Variants in RMDN2 observed in about 807,000 individuals in gnomAD.
The protein encoded by RMDN2 is regulator of microtubule dynamics 2.
In RMDN2, 61 loss-of-function variants were observed where a neutral mutation model predicts 52.8. The ratio of observed to expected loss-of-function variants is 1.16; its 90% confidence interval spans 0.94 to 1.43. The LOEUF is 1.43. RMDN2 is among the 40% of genes most tolerant of loss of function. The pLI is 0.00. For missense variants in RMDN2, 592 were observed against 475.3 expected, an observed-to-expected ratio of 1.25 and a Z score of -2.28; for synonymous variants, 180 against 153.1, an observed-to-expected ratio of 1.18 and a Z score of -1.30.
chr2:37,945,419 G>C, intron 2 of RMDN2, among the ~76,000 whole-genome samples: 1 of 152,076 alleles, frequency 6.6e-6, no homozygotes, highest in East Asian at 1.9e-4. Context: ...TTTGTCTTCG[G>C]AAGTCTCATC....
Position 38,004,216 on chromosome 2 carries a change from G to C in RMDN2, c.1179G>C (p.Glu393Asp), listed in dbSNP as rs1305199640. Residue 393 changes from glutamate (E) to aspartate (D), a missense_variant and splice_region_variant, in exon 10 of 11, where the codon GAG (glutamate) becomes GAC (aspartate). Transcript: ENST00000354545. ...TATTGCTTCCTACTGTTACCAAAGA[G>C]GTAAGTCCAGAAAGTGACAGTGAGT... Reference protein sequence around the residue: ...LALLLPTVTKEDKEAQKEMQK... With the variant: ...LALLLPTVTKDDKEAQKEMQK... The C allele has an allele frequency of 5.0e-6, 8 of 1,610,992 alleles. No individual in the cohort carries two copies. In the East Asian group the frequency reaches 6.7e-5, roughly 13 times the overall value.
At chr2:38,059,129 T>G (rs553240026) in intron 10 of RMDN2, among the ~76,000 whole-genome samples, 1 of 152,330 alleles carries the variant, frequency 6.6e-6, no homozygotes, top group African/African-American at 2.4e-5. Flanking sequence ...TCTGTGCCTC[T>G]CACAACAGTA....
chr2:38,009,469 A>G (rs13416401), intron 10 of RMDN2, among the ~76,000 whole-genome samples: 64,113 of 151,920 alleles, frequency 0.42, 15,203 homozygotes, highest in East Asian at 0.78. Flanking sequence ...TTGATTTTCC[A>G]TCACTGATAC....
intron 10 of RMDN2, among the ~76,000 whole-genome samples, chr2:38,008,271 C>A (rs1362363331): frequency 1.3e-5 from 2 of 152,146 alleles, no homozygotes; most frequent in Non-Finnish European, 2.9e-5. Context: ...TGTTAACTTT[C>A]TGTCTCGTTG....
chr2:38,042,179 TTG>T (rs1680994281), intron 10 of RMDN2, among the ~76,000 whole-genome samples: 1 of 152,192 alleles, frequency 6.6e-6, no homozygotes, highest in Non-Finnish European at 1.5e-5. Context: ...TTTTGATAGT[TTG>T]TGTTTTTCAA....
intron 2 of RMDN2, chr2:37,952,009 T>G (rs150937772): frequency 1.2e-6 from 2 of 1,612,726 alleles, no homozygotes; most frequent in African/African-American, 2.7e-5. Flanking sequence ...CCAATCATGA[T>G]TCCACAGCAT....
intron 2 of RMDN2, among the ~76,000 whole-genome samples, chr2:37,973,568 A>G (rs1041617699): frequency 2.0e-5 from 3 of 152,230 alleles, no homozygotes; most frequent in African/African-American, 7.2e-5. Flanking sequence ...CTATGGGAAA[A>G]GAAAAAAGCA....
intron 7 of RMDN2, 82 bp from the exon 8 acceptor site, chr2:37,997,331 TAAC>T: frequency 1.2e-6 from 1 of 830,728 alleles, no homozygotes. Flanking sequence ...TATATACACA[TAAC>T]ACACACACGT....
At chr2:37,972,654 A>G (rs1671957822) in intron 2 of RMDN2, among the ~76,000 whole-genome samples, 1 of 152,202 alleles carries the variant, frequency 6.6e-6, no homozygotes, top group African/African-American at 2.4e-5. Context: ...ACTAAAGCAA[A>G]GAGGTGTGAT....
chr2:37,967,413 C>G (rs1275714010), intron 2 of RMDN2, among the ~76,000 whole-genome samples: 1 of 152,114 alleles, frequency 6.6e-6, no homozygotes, highest in Non-Finnish European at 1.5e-5. Flanking sequence ...ATGGCCTTAC[C>G]AGTCCAATCC....
At chr2:38,066,576 A>G (rs1299034055) in intron 10 of RMDN2, among the ~76,000 whole-genome samples, 3 of 152,218 alleles carry the variant, frequency 2.0e-5, no homozygotes, top group Non-Finnish European at 2.9e-5. Flanking sequence ...CTGGTGCAGA[A>G]AAACAGACTG....
At chr2:38,046,398 A>T (rs1183656481) in intron 10 of RMDN2, among the ~76,000 whole-genome samples, 2 of 152,224 alleles carry the variant, frequency 1.3e-5, no homozygotes. Flanking sequence ...AATATTTTTT[A>T]AAAACTGAGT....
At chr2:37,941,815 C>G (rs1667813193) in intron 2 of RMDN2, among the ~76,000 whole-genome samples, 1 of 152,030 alleles carries the variant, frequency 6.6e-6, no homozygotes, top group African/African-American at 2.4e-5. Context: ...GCCAGTGGAT[C>G]TTAGTTTGCT....
intron 2 of RMDN2, among the ~76,000 whole-genome samples, chr2:37,945,397 A>C (rs1039666134): frequency 4.6e-5 from 7 of 152,172 alleles, no homozygotes; most frequent in Non-Finnish European, 1.0e-4. Flanking sequence ...CATGGATTCC[A>C]ATTTGGACAC....
intron 10 of RMDN2, among the ~76,000 whole-genome samples, chr2:38,065,843 A>G (rs889506487): frequency 4.6e-5 from 7 of 152,210 alleles, no homozygotes; most frequent in Non-Finnish European, 1.0e-4. Context: ...GGTTTTGCCT[A>G]AAGAACAGTT....
At chr2:37,982,224 CA>C (rs1443402212) in intron 5 of RMDN2, among the ~76,000 whole-genome samples, 3 of 152,156 alleles carry the variant, frequency 2.0e-5, no homozygotes, top group African/African-American at 7.2e-5. Flanking sequence ...TTTGCCCCAC[CA>C]AAATCTGAAG....
chr2:37,939,625 G>C (rs1667606820), intron 2 of RMDN2, among the ~76,000 whole-genome samples: 1 of 152,150 alleles, frequency 6.6e-6, no homozygotes, highest in Admixed American at 6.5e-5. Flanking sequence ...TTGTTGCATT[G>C]ATCCCTTTAC....
At position 37,929,375 on chromosome 2, in the gene RMDN2, C is replaced by A; in HGVS notation, c.98C>A (p.Pro33Gln). The change falls in exon 2 of 11, where the codon CCA (proline) becomes CAA (glutamine). Residue 33 changes from proline to glutamine, a missense_variant. Physicochemically the swap from Pro to Gln is moderately conservative, Grantham distance 76. Coordinates refer to ENST00000354545, the MANE Select transcript of RMDN2 (RefSeq NM_001170791.3). Reference sequence around the variant, plus strand: ...TTGTGGTACCACAAGGTCCGTAAACCAGGGATAGCAATGAAGTTACCTGAA... The same window carrying A: ...TTGTGGTACCACAAGGTCCGTAAACAAGGGATAGCAATGAAGTTACCTGAA... ...LLLWYHKVRK[P>Q]GIAMKLPEFL... 6.4e-7 allele frequency: 1 copy of A among 1,551,538 alleles called. No homozygotes were observed. Among genetic ancestry groups the A allele is most frequent in the South Asian group, 1.2e-5 (1 of 84,044 alleles).
chr2:38,056,792 G>T (rs772155655), intron 10 of RMDN2, among the ~76,000 whole-genome samples: 10 of 152,118 alleles, frequency 6.6e-5, no homozygotes, highest in Non-Finnish European at 1.3e-4. Flanking sequence ...ATTAAGCAAG[G>T]GTTTTAAGTC....
Sources: gnomAD v4.1 joint callset for allele counts (sites outside exome capture counted in the v4.1 genomes callset) on GRCh38, gnomAD v4.1.1 for gene constraint, MANE v1.5 for transcripts, NCBI Gene and HGNC (gene_info 2026-07-23, HGNC 2026-07-21) for gene names.